Variants in ENPP1 observed in about 807,000 individuals in gnomAD.
ENPP1 encodes the protein ectonucleotide pyrophosphatase/phosphodiesterase family member 1.
Under a neutral mutation model 122.8 loss-of-function variants are expected in ENPP1, and 73 were observed. The ratio of observed to expected loss-of-function variants is 0.59; its 90% CI spans 0.49 to 0.72. ENPP1 has a LOEUF of 0.72. Among genes scored for constraint, ENPP1 ranks in the 30% least tolerant of loss-of-function variants. The pLI is 0.00. For synonymous variants in ENPP1, 367 were observed against 391.6 expected, an observed-to-expected ratio of 0.94 and a Z score of 0.74; for missense variants, 978 against 1,128.1, an observed-to-expected ratio of 0.87 and a Z score of 1.91.
At position 131,884,920 on chromosome 6, in the gene ENPP1, T is replaced by C; in HGVS notation, c.2312-11T>C. 1 of 1,614,108 alleles carries C rather than the reference T, an allele frequency of 6.2e-7. No individual in the cohort carries two copies. Among genetic ancestry groups the C allele is most frequent in the Non-Finnish European group, 8.5e-7 (1 of 1,179,958 alleles). ...TCTTTTGAAACTACACTGGCTTCTA[T>C]CTTGTTTCAGTTATATGGCGCTACT... On this transcript the variant is annotated splice_polypyrimidine_tract_variant and intron_variant, in intron 22 of 24. Transcript: ENST00000647893.
intron 1 of ENPP1, among the ~76,000 whole-genome samples, chr6:131,836,651 T>C (rs1781677794): frequency 6.6e-6 from 1 of 152,186 alleles, no homozygotes; most frequent in Admixed American, 6.5e-5. Flanking sequence ...AAGTACTGTT[T>C]GACATGATGG....
chr6:131,857,350 C>T (rs1211572782), intron 6 of ENPP1, among the ~76,000 whole-genome samples: 6 of 148,266 alleles, frequency 4.0e-5, no homozygotes, highest in Admixed American at 4.0e-4. Flanking sequence ...CACATGCACA[C>T]ATATGTTTAT....
intron 1 of ENPP1, among the ~76,000 whole-genome samples, chr6:131,842,510 A>G (rs984713127): frequency 2.0e-5 from 3 of 152,064 alleles, no homozygotes; most frequent in Non-Finnish European, 2.9e-5. Context: ...ATTTCCCCAC[A>G]GAATCTAAAT....
At chr6:131,872,184 T>G (rs1002612224) in intron 14 of ENPP1, 83 bp downstream of exon 14, 24 of 943,958 alleles carry the variant, frequency 2.5e-5, no homozygotes, top group Non-Finnish European at 3.9e-5. Context: ...CATCTATTAT[T>G]GGGATTGAAG....
chr6:131,839,890 C>G (rs1460763198), intron 1 of ENPP1, among the ~76,000 whole-genome samples: 26 of 151,934 alleles, frequency 1.7e-4, no homozygotes. Context: ...TATAAATGGT[C>G]TATATTTCTT....
rs955448760 is a variant in ENPP1 at position 131,890,517 on chromosome 6, T to C, written c.*6T>C. On this transcript the variant is annotated 3_prime_UTR_variant, in exon 25 of 25. Coordinates refer to ENST00000647893, the MANE Select transcript of ENPP1 (RefSeq NM_006208.3). ...CCTTTAGCCAAGAAGACTGATATGT[T>C]TTTTATCCCCAAACACCATGAATCT... 5.6e-6 allele frequency: 9 copies of C among 1,610,062 alleles called. No homozygotes were observed. Among genetic ancestry groups the C allele is most frequent in the East Asian group, 4.5e-5 (2 of 44,864 alleles).
In ENPP1 at chr6:131,822,585, A is replaced by T. The variant is rs571133512; in HGVS notation, c.240+14310A>T. ...TTCTATGTGTACATATCACTTTTAAAAAAAAAAAAACAAAGATGAGATCAC... is the reference window on the plus strand; with the variant it reads ...TTCTATGTGTACATATCACTTTTAATAAAAAAAAAACAAAGATGAGATCAC... On this transcript the variant is annotated intron_variant, in intron 1 of 24. Transcript: ENST00000647893. Among the ~76,000 whole-genome samples, 223 of 151,320 alleles carry T rather than the reference A, an allele frequency of 1.5e-3. 1 individual carries two copies. Among genetic ancestry groups the T allele is most frequent in the South Asian group, 5.2e-3 (25 of 4,766 alleles).
intron 1 of ENPP1, among the ~76,000 whole-genome samples, chr6:131,816,838 A>C (rs563422184): frequency 6.6e-6 from 1 of 152,356 alleles, no homozygotes; most frequent in East Asian, 1.9e-4. Context: ...CTCAATACTC[A>C]ACAACTGTGA....
In ENPP1 at chr6:131,831,005, C is replaced by T. The variant is rs1431469177; in HGVS notation, c.241-16771C>T. Among the ~76,000 whole-genome samples, 6 of 148,994 alleles carry T rather than the reference C, an allele frequency of 4.0e-5. No individual in the cohort carries two copies. The South Asian group carries it at 1.1e-3, about 27-fold the overall frequency. On this transcript the variant is annotated intron_variant, in intron 1 of 24. Coordinates refer to ENST00000647893, the MANE Select transcript of ENPP1 (RefSeq NM_006208.3). ...GCATGTACCTGTAGTCCCAGCTACT[C>T]GAGAGGCTGAGATGGGAGGATCACT...
intron 1 of ENPP1, among the ~76,000 whole-genome samples, chr6:131,824,942 C>A (rs1157522968): frequency 6.6e-6 from 1 of 152,060 alleles, no homozygotes; most frequent in Non-Finnish European, 1.5e-5. Flanking sequence ...CACCTGTAAT[C>A]CCAGCTACTC....
intron 1 of ENPP1, among the ~76,000 whole-genome samples, chr6:131,815,871 A>ATTTT (rs750091125): frequency 1.7e-5 from 2 of 115,842 alleles, no homozygotes; most frequent in African/African-American, 3.4e-5. Context: ...CACCTGGCTA[A>ATTTT]TTTTTTTTTT....
At chr6:131,852,113 C>T (rs1001037131) in intron 4 of ENPP1, 62 bp from the exon 5 acceptor site, 4 of 1,084,682 alleles carry the variant, frequency 3.7e-6, no homozygotes, top group African/African-American at 3.1e-5. Context: ...ATGTGTCTCA[C>T]AAGCATCACA....
chr6:131,869,225 C>T, intron 12 of ENPP1, 133 bp from the exon 13 acceptor site: 1 of 816,036 alleles, frequency 1.2e-6, no homozygotes. Context: ...TCTTACCTAT[C>T]AGATCTTCAA....
chr6:131,882,049 AT>A (rs1782317560), intron 20 of ENPP1, among the ~76,000 whole-genome samples: 1 of 150,244 alleles, frequency 6.7e-6, no homozygotes, highest in African/African-American at 2.5e-5. Flanking sequence ...AAATAAATAA[AT>A]AAATAAATAT....
Position 131,856,336 on chromosome 6 carries a change from G to C in ENPP1, c.715+1313G>C, listed in dbSNP as rs553905417. Among the ~76,000 whole-genome samples the C allele has an allele frequency of 7.5e-3, 1,128 of 150,570 alleles. 10 individuals are homozygous for C. Among genetic ancestry groups the C allele is most frequent in the African/African-American group, 0.025 (1,024 of 40,548 alleles). ...CCTTCGCCCACTTTTTGATGGGGTT[G>C]TTTGTTTTTTTCTTGTAAATTTGTT... On this transcript the variant is annotated intron_variant, in intron 6 of 24. Coordinates refer to ENST00000647893, the MANE Select transcript of ENPP1 (RefSeq NM_006208.3).
At chr6:131,832,093 G>A (rs545687292) in intron 1 of ENPP1, among the ~76,000 whole-genome samples, 109 of 151,546 alleles carry the variant, frequency 7.2e-4, no homozygotes, top group African/African-American at 2.5e-3. Context: ...ACCCTTTGAC[G>A]TGTGTGTGTT....
At chr6:131,823,878 G>A (rs981260207) in intron 1 of ENPP1, among the ~76,000 whole-genome samples, 8 of 151,614 alleles carry the variant, frequency 5.3e-5, no homozygotes, top group African/African-American at 1.5e-4. Flanking sequence ...CCTATTAAAT[G>A]GGGATAATAG....
chr6:131,860,545 C>G (rs1258277148), intron 8 of ENPP1, 39 bp downstream of exon 8: 2 of 1,465,028 alleles, frequency 1.4e-6, no homozygotes. Flanking sequence ...GTTAATTATT[C>G]TCATCTATTT....
chr6:131,860,625 A>C (rs946532291), intron 8 of ENPP1, 119 bp downstream of exon 8: 6 of 742,380 alleles, frequency 8.1e-6, no homozygotes, highest in African/African-American at 5.3e-5. Flanking sequence ...GTCTGTGGCC[A>C]TTCTTTTGTA....
Sources: allele counts gnomAD v4.1 joint callset (sites outside exome capture counted in the v4.1 genomes callset), GRCh38; gene constraint gnomAD v4.1.1; transcripts MANE v1.5; gene names NCBI Gene and HGNC (gene_info 2026-07-23, HGNC 2026-07-21).